DENND1B: variants seen among roughly 807,000 people sequenced by gnomAD.
The protein encoded by DENND1B is DENN domain-containing protein 1B.
DENND1B carries 59 observed loss-of-function variants against 90.1 expected under a neutral mutation model. The observed-to-expected ratio is 0.65, with a 90% CI of 0.53 to 0.81. The LOEUF is 0.81. Ranked by LOEUF, DENND1B falls within the 40% of genes least tolerant of loss-of-function variation. DENND1B has a pLI of 0.00. For synonymous variants in DENND1B, 337 were observed against 324.6 expected, an observed-to-expected ratio of 1.04 and a Z score of -0.41; for missense variants, 862 against 912.6, an observed-to-expected ratio of 0.94 and a Z score of 0.71.
chr1:197,626,456 T>C (rs1273759236), intron 10 of DENND1B, among the ~76,000 whole-genome samples: 1 of 152,092 alleles, frequency 6.6e-6, no homozygotes, highest in African/African-American at 2.4e-5. Context: ...AAGGCAGAAA[T>C]AAAGATGTTC....
At chr1:197,701,878 T>C (rs955358455) in intron 3 of DENND1B, among the ~76,000 whole-genome samples, 4 of 152,206 alleles carry the variant, frequency 2.6e-5, no homozygotes, top group Admixed American at 1.3e-4. Flanking sequence ...CTTAAAAATA[T>C]AGCATTACTT....
At chr1:197,735,620 C>T in intron 2 of DENND1B, 1 of 1,614,118 alleles carries the variant, frequency 6.2e-7, no homozygotes, top group South Asian at 1.1e-5. Context: ...TTTTCTCCTC[C>T]CGTGGAGCTG....
intron 3 of DENND1B, among the ~76,000 whole-genome samples, chr1:197,699,588 G>C (rs115411019): frequency 2.0e-5 from 3 of 152,004 alleles, no homozygotes; most frequent in African/African-American, 7.2e-5. Flanking sequence ...GAAATAAAGG[G>C]AACTCAAATA....
At chr1:197,630,869 T>C (rs1457468297) in intron 10 of DENND1B, among the ~76,000 whole-genome samples, 1 of 152,086 alleles carries the variant, frequency 6.6e-6, no homozygotes, top group Non-Finnish European at 1.5e-5. Flanking sequence ...CATACAAAAA[T>C]CTGTACTCTC....
chr1:197,565,726 G>A (rs1259408451), intron 15 of DENND1B, among the ~76,000 whole-genome samples: 1 of 149,008 alleles, frequency 6.7e-6, no homozygotes, highest in Non-Finnish European at 1.5e-5. Flanking sequence ...ACCTATGAGT[G>A]AGAATATGCA....
At position 197,667,695 on chromosome 1, in the gene DENND1B, A is replaced by G. The variant is rs539466003; in HGVS notation, c.296+4342T>C. Among the ~76,000 whole-genome samples, 291 of 152,256 alleles carry G rather than the reference A, an allele frequency of 1.9e-3. 1 individual carries two copies. The highest frequency in any genetic ancestry group is 3.4e-3 in the Non-Finnish European group (230 of 67,996). On this transcript the variant is annotated intron_variant, in intron 5 of 22. Transcript: ENST00000620048. ...ATTACAGGCGTGGGCCCCTGCACCA[A>G]GCCCCCAATTCCATTCTTAATTCTG...
intron 3 of DENND1B, among the ~76,000 whole-genome samples, chr1:197,699,816 C>A (rs1004275607): frequency 6.7e-6 from 1 of 150,246 alleles, no homozygotes; most frequent in Non-Finnish European, 1.5e-5. Flanking sequence ...CTAGAAATAA[C>A]CAAGCAGAGA....
chr1:197,654,506 A>T (rs1435439964), intron 6 of DENND1B, among the ~76,000 whole-genome samples: 1 of 152,028 alleles, frequency 6.6e-6, no homozygotes. Flanking sequence ...TCTACTTGGG[A>T]GAGTGAGGCA....
intron 2 of DENND1B, chr1:197,734,708 C>T (rs1219874021): frequency 1.0e-6 from 1 of 984,544 alleles, no homozygotes; most frequent in Non-Finnish European, 1.2e-6. Context: ...CTACTGTATA[C>T]AGGATTCAGA....
At position 197,685,980 on chromosome 1, in the gene DENND1B, C is replaced by T. The variant is rs919401088; in HGVS notation, c.127-11811G>A. Among the ~76,000 whole-genome samples, 27 of 152,078 alleles carry T rather than the reference C, an allele frequency of 1.8e-4. 1 individual carries two copies. Among genetic ancestry groups the T allele is most frequent in the Admixed American group, 8.5e-4 (13 of 15,262 alleles). ...TTCTTAGTTCTTATCATGTAGAATG[C>T]TTTCTACGATAAACTGAAATATGAA... On this transcript the variant is annotated intron_variant, in intron 3 of 22. Transcript: ENST00000620048.
At chr1:197,739,776 T>TA (rs749712687) in intron 2 of DENND1B, among the ~76,000 whole-genome samples, 21 of 151,970 alleles carry the variant, frequency 1.4e-4, no homozygotes, top group Non-Finnish European at 2.2e-4. Flanking sequence ...ATAAAGAAAA[T>TA]ATAAGAGAAA....
At position 197,662,963 on chromosome 1, in the gene DENND1B, C is replaced by A. The variant is rs1056085651; in HGVS notation, c.297-4594G>T. ...TATTCAATGTGATTCTTTAAAGTAA[C>A]ATTTTGGTAAACCCTTCCAATTTTA... On this transcript the variant is annotated intron_variant, in intron 5 of 22. Coordinates refer to ENST00000620048, the MANE Select transcript of DENND1B (RefSeq NM_001195215.2). Among the ~76,000 whole-genome samples, 3 of 152,194 alleles carry A rather than the reference C, an allele frequency of 2.0e-5. No homozygotes were observed. In the South Asian group the frequency reaches 6.2e-4, roughly 32 times the overall value.
chr1:197,556,715 A>C (rs1357966167), intron 15 of DENND1B, among the ~76,000 whole-genome samples: 2 of 151,988 alleles, frequency 1.3e-5, no homozygotes, highest in Non-Finnish European at 2.9e-5. Flanking sequence ...TCCTTCTGTA[A>C]AATGGGAGTA....
intron 11 of DENND1B, among the ~76,000 whole-genome samples, chr1:197,615,379 T>C (rs1453377050): frequency 1.3e-5 from 2 of 150,988 alleles, no homozygotes; most frequent in Admixed American, 1.3e-4. Flanking sequence ...CTCTCCACAG[T>C]CCAACCCACA....
intron 10 of DENND1B, among the ~76,000 whole-genome samples, chr1:197,623,270 T>C (rs1322833454): frequency 6.6e-6 from 1 of 151,488 alleles, no homozygotes; most frequent in Non-Finnish European, 1.5e-5. Flanking sequence ...TTAAGCATCA[T>C]AAATAACTAT....
chr1:197,626,975 C>A (rs1376333799), intron 10 of DENND1B, among the ~76,000 whole-genome samples: 2 of 152,022 alleles, frequency 1.3e-5, no homozygotes, highest in Non-Finnish European at 2.9e-5. Context: ...AAGACTAAAC[C>A]AGGAAGAAGT....
At chr1:197,767,350 G>C (rs774848020) in intron 2 of DENND1B, among the ~76,000 whole-genome samples, 2 of 151,766 alleles carry the variant, frequency 1.3e-5, no homozygotes, top group Non-Finnish European at 2.9e-5. Context: ...TAGACAAAAA[G>C]TTATCAAATG....
intron 13 of DENND1B, among the ~76,000 whole-genome samples, chr1:197,599,747 TA>T (rs1676033679): frequency 6.6e-6 from 1 of 151,850 alleles, no homozygotes; most frequent in African/African-American, 2.4e-5. Flanking sequence ...CAGTAACCTT[TA>T]ACATTTATTA....
chr1:197,734,018 A>C (rs1034828291), intron 2 of DENND1B: 6 of 840,644 alleles, frequency 7.1e-6, no homozygotes, highest in Non-Finnish European at 8.6e-6. Flanking sequence ...ATTACAAGAA[A>C]TTATATTTTA....
Sources: allele counts gnomAD v4.1 joint callset (sites outside exome capture counted in the v4.1 genomes callset), GRCh38; gene constraint gnomAD v4.1.1; transcripts MANE v1.5; gene names NCBI Gene and HGNC (gene_info 2026-07-23, HGNC 2026-07-21).